The following MYO1H variants were observed in gnomAD, a reference collection of about 807,000 sequenced individuals.
MYO1H encodes the protein myosin IH, also known as unconventional myosin-Ih.
Under a neutral mutation model 149.3 loss-of-function variants are expected in MYO1H, and 118 were observed. The observed-to-expected ratio is 0.79, with a 90% CI of 0.68 to 0.92. MYO1H has a LOEUF of 0.92. MYO1H is among the 40% of genes least tolerant of loss of function. MYO1H has a pLI of 0.00. For missense variants in MYO1H, 1,212 were observed against 1,280.7 expected (o/e 0.95, Z 0.82); for synonymous variants, 447 against 465.2 (o/e 0.96, Z 0.50).
chr12:109,313,164 T>G, the MYO1H span, among the ~76,000 whole-genome samples: 1 of 152,114 alleles, frequency 6.6e-6, no homozygotes, highest in Admixed American at 6.6e-5. Flanking sequence ...AGGATTGCTT[T>G]GAGCCCCTGG....
At chr12:109,332,624 C>A in the MYO1H span, among the ~76,000 whole-genome samples, 1 of 152,218 alleles carries the variant, frequency 6.6e-6, no homozygotes, top group Non-Finnish European at 1.5e-5. Flanking sequence ...GTTGCCCACG[C>A]TGGAGTGCAG....
At chr12:109,431,992 A>ATTTTT (rs554701536) in intron 19 of MYO1H, among the ~76,000 whole-genome samples, 9 of 85,742 alleles carry the variant, frequency 1.0e-4, no homozygotes, top group African/African-American at 1.6e-4. Flanking sequence ...TAAAAAAAAA[A>ATTTTT]TTTTTTTTTT....
intron 1 of MYO1H, chr12:109,354,134 A>G (rs1029983355): frequency 2.6e-5 from 4 of 152,334 alleles, no homozygotes; most frequent in African/African-American, 9.6e-5. Context: ...TTTCATCCCC[A>G]TCTGTCTTAT....
chr12:109,409,634 G>C lies in MYO1H; in HGVS notation c.1223+10G>C. On this transcript the variant is annotated intron_variant, in intron 11 of 31. Transcript: ENST00000310903. ...TCTTTGACAAGAATGGGTATGTTTT[G>C]TCATTACCTACCTATCTGTCTTTTG... 1 of 1,598,372 alleles carries C rather than the reference G, an allele frequency of 6.3e-7. No individual in the cohort carries two copies. The highest frequency in any genetic ancestry group is 8.6e-7 in the Non-Finnish European group (1 of 1,165,858).
intron 1 of MYO1H, among the ~76,000 whole-genome samples, chr12:109,364,396 A>G (rs1334192098): frequency 6.6e-6 from 1 of 151,968 alleles, no homozygotes; most frequent in African/African-American, 2.4e-5. Flanking sequence ...TGGCGTGAAC[A>G]CTGCTCACTG....
chr12:109,377,921 G>A (rs1490717607), intron 1 of MYO1H, among the ~76,000 whole-genome samples: 1 of 151,992 alleles, frequency 6.6e-6, no homozygotes, highest in East Asian at 1.9e-4. Flanking sequence ...CCATAGCCAG[G>A]TTACTCTGAT....
Position 109,438,534 on chromosome 12 carries a change from A to T in MYO1H, c.2210-2A>T. 6.2e-7 allele frequency: 1 copy of T among 1,612,002 alleles called. No individual in the cohort carries two copies. The highest frequency in any genetic ancestry group is 1.1e-5 in the South Asian group (1 of 90,656). ...TCTAATGCCAGCAGTGAACTCTTTC[A>T]GCCATCAAACTGGAAGCCCACTGGC... On this transcript the variant is annotated splice_acceptor_variant, in intron 22 of 31. Coordinates refer to ENST00000310903, the Ensembl canonical transcript of MYO1H. LOFTEE classifies it high-confidence loss of function.
the MYO1H span, among the ~76,000 whole-genome samples, chr12:109,318,255 A>G: frequency 3.7e-3 from 558 of 152,342 alleles, 6 homozygotes; most frequent in African/African-American, 0.013. Context: ...CTTATGCTAC[A>G]TTAGAACAAG....
the MYO1H span, among the ~76,000 whole-genome samples, chr12:109,336,469 T>G: frequency 6.6e-6 from 1 of 152,342 alleles, no homozygotes; most frequent in East Asian, 1.9e-4. Flanking sequence ...CGGGGTTCAA[T>G]ACTGACATCA....
At chr12:109,396,967 A>G (rs899761325) in intron 4 of MYO1H, among the ~76,000 whole-genome samples, 1 of 151,596 alleles carries the variant, frequency 6.6e-6, no homozygotes, top group Non-Finnish European at 1.5e-5. Flanking sequence ...AGCTGGCACT[A>G]TAGGCACGTA....
chr12:109,441,418 G>A (rs900900616), intron 25 of MYO1H, among the ~76,000 whole-genome samples, 197 bp from the exon 26 acceptor site: 17 of 152,082 alleles, frequency 1.1e-4, no homozygotes, highest in African/African-American at 2.9e-4. Context: ...GAGCAGAAAC[G>A]TCAACCCAGT....
chr12:109,410,006 C>T lies in MYO1H; in HGVS notation c.1267C>T (p.Gln423Ter). The change falls in exon 12 of 32, where the codon CAA becomes TAA. Residue 423 changes from glutamine (Q) to a stop codon, truncating the protein, a stop_gained. Coordinates refer to ENST00000310903, the Ensembl canonical transcript of MYO1H. LOFTEE classifies it high-confidence loss of function. ...AAATTACTGCAATGAGAAACTCCAGCAACTGTTAATTGAGAGGACTCTAAA... is the reference window on the plus strand; with the variant it reads ...AAATTACTGCAATGAGAAACTCCAGTAACTGTTAATTGAGAGGACTCTAAA... 3 of 1,544,882 alleles carry T rather than the reference C, an allele frequency of 1.9e-6. No homozygotes were observed. Among genetic ancestry groups the T allele is most frequent in the Non-Finnish European group, 2.6e-6 (3 of 1,143,984 alleles).
upstream of MYO1H, among the ~76,000 whole-genome samples, chr12:109,343,506 G>A (rs917008479): frequency 1.3e-5 from 2 of 152,238 alleles, no homozygotes; most frequent in African/African-American, 4.8e-5. Context: ...ATAAAAAGCA[G>A]GCTGACTTAA....
intron 19 of MYO1H, among the ~76,000 whole-genome samples, chr12:109,430,978 G>A (rs375266047): frequency 7.7e-4 from 116 of 151,306 alleles, no homozygotes; most frequent in South Asian, 5.9e-3. Context: ...ATTTTAGAAC[G>A]TGGGAGGTGG....
chr12:109,396,371 A>G lies in MYO1H; in HGVS notation c.291-13A>G, dbSNP rs1187807135. 6.3e-7 allele frequency: 1 copy of G among 1,588,690 alleles called. No individual in the cohort carries two copies. The highest frequency in any genetic ancestry group is 8.6e-7 in the Non-Finnish European group (1 of 1,166,274). Reference sequence around the variant, plus strand: ...ATTAAAACGAATTTGTTTCCGTCTCACTCCTCCTCCAGCTACGCTATAGCC... The same window carrying G: ...ATTAAAACGAATTTGTTTCCGTCTCGCTCCTCCTCCAGCTACGCTATAGCC... On this transcript the variant is annotated splice_polypyrimidine_tract_variant and intron_variant, in intron 3 of 31. Coordinates refer to ENST00000310903, the Ensembl canonical transcript of MYO1H.
At chr12:109,401,398 T>C in intron 6 of MYO1H, 126 bp downstream of exon 6, 1 of 942,340 alleles carries the variant, frequency 1.1e-6, no homozygotes, top group East Asian at 2.7e-5. Flanking sequence ...ATTGGCTGAT[T>C]TCTCCATATA....
the MYO1H span, among the ~76,000 whole-genome samples, chr12:109,323,387 GCACAAAAACAGAA>G: frequency 6.6e-6 from 1 of 152,202 alleles, no homozygotes; most frequent in Non-Finnish European, 1.5e-5. Context: ...AGTGTCATGG[GCACAAAAACAGAA>G]CATCCTTGCA....
At chr12:109,313,308 C>G in the MYO1H span, among the ~76,000 whole-genome samples, 134 of 152,288 alleles carry the variant, frequency 8.8e-4, no homozygotes, top group African/African-American at 3.1e-3. Flanking sequence ...AGTGCCCCCT[C>G]TCCAAGGTGC....
At chr12:109,383,284 C>G (rs899463276) in intron 1 of MYO1H, among the ~76,000 whole-genome samples, 4 of 152,278 alleles carry the variant, frequency 2.6e-5, no homozygotes, top group Admixed American at 2.6e-4. Context: ...AAAAAATAGC[C>G]CTTACTCTTC....
Sources: allele counts gnomAD v4.1 joint callset (sites outside exome capture counted in the v4.1 genomes callset), GRCh38; gene constraint gnomAD v4.1.1; transcripts MANE v1.5; gene names NCBI Gene and HGNC (gene_info 2026-07-23, HGNC 2026-07-21).